ABHD12: variants seen among roughly 807,000 people sequenced by gnomAD.
The protein encoded by ABHD12 is lysophosphatidylserine lipase ABHD12.
ABHD12 carries 43 observed loss-of-function variants against 58.3 expected under a neutral mutation model. The ratio of observed to expected loss-of-function variants is 0.74; its 90% confidence interval spans 0.58 to 0.95. The LOEUF (loss-of-function observed/expected upper bound fraction) is 0.95, where lower values mean the gene tolerates loss of function less well. Among genes scored for constraint, ABHD12 ranks in the 40% least tolerant of loss-of-function variants. The pLI is 0.00. For missense variants in ABHD12, 539 were observed against 537.2 expected (o/e 1.00, Z -0.03); for synonymous variants, 219 against 211.2 (o/e 1.04, Z -0.32).
In ABHD12 at chr20:25,334,276, T is replaced by G. The variant is rs1339152582; in HGVS notation, c.316+4951A>C. On this transcript the variant is annotated intron_variant, in intron 2 of 12. Transcript: ENST00000339157. ...TGTGAAGGACCTCTTCAAGGAGAACTACAAACCACTACTCAAGGAAATAAA... is the reference window on the plus strand; with the variant it reads ...TGTGAAGGACCTCTTCAAGGAGAACGACAAACCACTACTCAAGGAAATAAA... Among the ~76,000 whole-genome samples, 5 of 151,294 alleles carry G rather than the reference T, an allele frequency of 3.3e-5. No homozygotes were observed. In the East Asian group the frequency reaches 9.7e-4, roughly 29 times the overall value.
intron 1 of ABHD12, among the ~76,000 whole-genome samples, chr20:25,367,946 C>T (rs1015860037): frequency 1.3e-5 from 2 of 152,138 alleles, no homozygotes; most frequent in Non-Finnish European, 2.9e-5. Context: ...TACAGTAATT[C>T]TATGTTCAAT....
chr20:25,298,067 CTG>C (rs1160992588), downstream of ABHD12: 1 of 152,240 alleles, frequency 6.6e-6, no homozygotes, highest in African/African-American at 2.4e-5. Context: ...TGGTATGAGA[CTG>C]TGGGAAGCAG....
chr20:25,318,894 C>T (rs918690336), intron 4 of ABHD12, among the ~76,000 whole-genome samples: 3 of 152,174 alleles, frequency 2.0e-5, no homozygotes, highest in Admixed American at 6.5e-5. Flanking sequence ...ACACAGAAAC[C>T]GCTTCACGGG....
rs1318478595 is a variant in ABHD12, at chr20:25,390,724, C to A, written c.-21G>T. 2.3e-6 allele frequency: 3 copies of A among 1,305,148 alleles called. No individual in the cohort carries two copies. The highest frequency in any genetic ancestry group is 1.9e-6 in the Non-Finnish European group (2 of 1,030,710). 80.8% of individuals were successfully genotyped at this position (1,305,148 alleles called of 1,614,324 possible). A position where few individuals can be genotyped will look rare whatever the true frequency, so the allele number is the denominator to read the frequency against. ...CTCATCCCGCGGCCGACAGGGCCAG[C>A]CGCCGACGGCGCCCGCTGGCCTGCG... is the stretch of plus-strand genomic sequence containing the variant. On this transcript the variant is annotated 5_prime_UTR_variant, in exon 1 of 13. Transcript: ENST00000339157.
intron 2 of ABHD12, among the ~76,000 whole-genome samples, chr20:25,325,270 G>GC (rs1280896687): frequency 6.7e-6 from 1 of 150,096 alleles, no homozygotes; most frequent in Non-Finnish European, 1.5e-5. Flanking sequence ...GCACAGCCCT[G>GC]CCTCCTGGCT....
chr20:25,315,710 C>T (rs1042023620), intron 5 of ABHD12, among the ~76,000 whole-genome samples: 9 of 152,230 alleles, frequency 5.9e-5, no homozygotes, highest in Non-Finnish European at 1.3e-4. Context: ...TGAATCATTT[C>T]TTTTAACAGA....
At chr20:25,311,473 A>T (rs924381626) in intron 6 of ABHD12, among the ~76,000 whole-genome samples, 1 of 152,252 alleles carries the variant, frequency 6.6e-6, no homozygotes, top group Non-Finnish European at 1.5e-5. Context: ...CAGAACTGCA[A>T]GACGCTACAT....
At chr20:25,384,486 T>G in intron 1 of ABHD12, among the ~76,000 whole-genome samples, 1 of 150,672 alleles carries the variant, frequency 6.6e-6, no homozygotes, top group Non-Finnish European at 1.5e-5. Context: ...GGCTCATGCC[T>G]GTAATCCCAG....
chr20:25,371,349 T>C (rs1409362585), intron 1 of ABHD12, among the ~76,000 whole-genome samples: 2 of 152,198 alleles, frequency 1.3e-5, no homozygotes, highest in African/African-American at 2.4e-5. Context: ...GTTTACAACC[T>C]GGAGGCAGCA....
chr20:25,374,228 C>A (rs1359704118), intron 1 of ABHD12, among the ~76,000 whole-genome samples: 1 of 152,036 alleles, frequency 6.6e-6, no homozygotes, highest in Non-Finnish European at 1.5e-5. Flanking sequence ...CACACATGGT[C>A]GGAGTACAGG....
chr20:25,343,292 T>G (rs1229012501), intron 1 of ABHD12, among the ~76,000 whole-genome samples: 2 of 152,216 alleles, frequency 1.3e-5, no homozygotes, highest in Non-Finnish European at 2.9e-5. Context: ...AGGAAGAAAT[T>G]ACACCAATTA....
intron 2 of ABHD12, 127 bp from the exon 3 acceptor site, chr20:25,323,557 C>T: frequency 2.8e-6 from 2 of 717,038 alleles, no homozygotes; most frequent in South Asian, 2.9e-5. Context: ...ACATGCACAC[C>T]CACATGCACA....
chr20:25,294,923 T>C (rs1568701430), exon 13 of ABHD12: 1 of 404,608 alleles, frequency 2.5e-6, no homozygotes, highest in Non-Finnish European at 3.2e-6. Context: ...TTGGGTTAGT[T>C]TTAGTTTTGT....
intron 11 of ABHD12, 26 bp downstream of exon 11, chr20:25,303,524 C>CA: frequency 6.2e-7 from 1 of 1,611,964 alleles, no homozygotes. Context: ...ATGCCAGCTA[C>CA]ACCAGAGGCA....
rs149514933 is a variant in ABHD12, at chr20:25,302,293, A to G, written c.1083T>C (p.Phe361=). The change falls in exon 12 of 13, where the codon TTT becomes TTC. Residue 361 remains phenylalanine (F), a synonymous_variant. Transcript: ENST00000339157. The part of the protein sequence containing the change: ...ARSFRDFKVQ[F]VPFHSDLGYR... ...AGCCAAGGTCTGAATGAAAGGGCAC[A>G]AACTGAACTTTGAAATCTCGGAAGC... 12 of 1,613,800 alleles carry G rather than the reference A, an allele frequency of 7.4e-6. No homozygotes were observed. In the African/African-American group the frequency reaches 1.5e-4, roughly 20 times the overall value.
chr20:25,372,836 A>G (rs571245390), intron 1 of ABHD12, among the ~76,000 whole-genome samples: 2 of 152,196 alleles, frequency 1.3e-5, no homozygotes, highest in Admixed American at 6.5e-5. Flanking sequence ...ATGTATATTC[A>G]TGTCCTAAGC....
At chr20:25,322,131 G>T (rs2145975619) in intron 3 of ABHD12, among the ~76,000 whole-genome samples, 1 of 152,074 alleles carries the variant, frequency 6.6e-6, no homozygotes, top group East Asian at 1.9e-4. Flanking sequence ...AGTGAGGTTG[G>T]TCAATTTTAA....
intron 6 of ABHD12, among the ~76,000 whole-genome samples, chr20:25,313,703 AC>A (rs1184212458): frequency 1.3e-5 from 2 of 152,070 alleles, no homozygotes; most frequent in Non-Finnish European, 2.9e-5. Flanking sequence ...GATCACTTGA[AC>A]CCGGGAGGCA....
downstream of ABHD12, chr20:25,296,233 T>C (rs556823900): frequency 1.2e-5 from 13 of 1,064,046 alleles, no homozygotes; most frequent in South Asian, 1.8e-4. Flanking sequence ...CAAGTGATTG[T>C]AATGTCCTCC....
Sources: gnomAD v4.1 joint callset for allele counts (sites outside exome capture counted in the v4.1 genomes callset) on GRCh38, gnomAD v4.1.1 for gene constraint, MANE v1.5 for transcripts, NCBI Gene and HGNC (gene_info 2026-07-23, HGNC 2026-07-21) for gene names.